The following SPOCK3 variants were observed in gnomAD, a reference collection of about 807,000 sequenced individuals.
The protein encoded by SPOCK3 is testican-3.
In SPOCK3, 30 loss-of-function variants were observed where a neutral mutation model predicts 56.6. That is an observed-to-expected ratio of 0.53 (90% CI 0.40 to 0.72). The LOEUF (loss-of-function observed/expected upper bound fraction) is 0.72. SPOCK3 is among the 30% of genes least tolerant of loss of function. The pLI, the probability that SPOCK3 is intolerant of heterozygous loss-of-function variation, is 0.00. For missense variants in SPOCK3, 527 were observed against 530.0 expected (o/e 0.99, Z 0.06); for synonymous variants, 196 against 183.3 (o/e 1.07, Z -0.56).
chr4:167,133,349 G>C (rs1250680205), intron 2 of SPOCK3, among the ~76,000 whole-genome samples: 1 of 152,154 alleles, frequency 6.6e-6, no homozygotes, highest in Non-Finnish European at 1.5e-5. Context: ...TTCTCCTGCA[G>C]GTCCCCAGAT....
intron 3 of SPOCK3, among the ~76,000 whole-genome samples, chr4:167,028,782 C>G (rs1185574871): frequency 6.6e-6 from 1 of 152,022 alleles, no homozygotes; most frequent in Non-Finnish European, 1.5e-5. Flanking sequence ...GCCATGAACA[C>G]TAGATTGAAG....
chr4:166,838,069 G>A (rs1162372436), intron 6 of SPOCK3, among the ~76,000 whole-genome samples: 1 of 151,964 alleles, frequency 6.6e-6, no homozygotes, highest in Non-Finnish European at 1.5e-5. Context: ...ATAGATAAAT[G>A]TTGTTTTCCT....
In SPOCK3 at chr4:166,932,514, ACTTT is replaced by A. The variant is rs1039171878; in HGVS notation, c.351-19775_351-19772del. ...TGATATGAACCTTGTTATTAAACAA[ACTTT>A]CTTTAAGAAAATCCAGCCACAAGTG... On this transcript the variant is annotated intron_variant, in intron 4 of 10. Transcript: ENST00000357545. Among the ~76,000 whole-genome samples, 3 of 152,270 alleles carry A rather than the reference ACTTT, an allele frequency of 2.0e-5. No individual in the cohort carries two copies. In the East Asian group the frequency reaches 5.8e-4, roughly 29 times the overall value.
intron 5 of SPOCK3, among the ~76,000 whole-genome samples, chr4:166,905,433 A>T (rs79638421): frequency 0.012 from 1,879 of 152,158 alleles, 28 homozygotes; most frequent in Middle Eastern, 0.038. Context: ...TAGTAACAAA[A>T]GATGTAGACA....
At chr4:166,857,378 G>A (rs1422326455) in intron 6 of SPOCK3, among the ~76,000 whole-genome samples, 4 of 152,136 alleles carry the variant, frequency 2.6e-5, no homozygotes, top group African/African-American at 9.6e-5. Flanking sequence ...GGACACAGTT[G>A]GGCACAAGGG....
rs560087382 is a variant in SPOCK3, at chr4:166,929,360, G to C, written c.351-16617C>G. ...CATGCATATTCTAAATCTTCCCAGA[G>C]CTGTCAAAGTGCTTCAGAAACTGAA... On this transcript the variant is annotated intron_variant, in intron 4 of 10. Transcript: ENST00000357545. Among the ~76,000 whole-genome samples, 82 of 152,232 alleles carry C rather than the reference G, an allele frequency of 5.4e-4. 1 individual carries two copies. Among genetic ancestry groups the C allele is most frequent in the Non-Finnish European group, 1.1e-3 (76 of 68,018 alleles).
intron 2 of SPOCK3, among the ~76,000 whole-genome samples, chr4:167,108,832 G>C (rs1351010982): frequency 6.7e-6 from 1 of 148,360 alleles, no homozygotes; most frequent in African/African-American, 2.5e-5. Flanking sequence ...TTACACAAAG[G>C]ATACATGTTT....
At chr4:167,215,054 A>C (rs1735228440) in intron 2 of SPOCK3, among the ~76,000 whole-genome samples, 1 of 151,836 alleles carries the variant, frequency 6.6e-6, no homozygotes, top group Admixed American at 6.6e-5. Context: ...GTTCTTGTAA[A>C]GTAAATGAGA....
intron 2 of SPOCK3, 135 bp downstream of exon 2, chr4:167,233,849 GC>G (rs1001708689): frequency 2.7e-6 from 2 of 733,772 alleles, no homozygotes; most frequent in African/African-American, 1.8e-5. Context: ...TTCTCCAGCA[GC>G]CCTGCGCCGC....
intron 4 of SPOCK3, among the ~76,000 whole-genome samples, chr4:166,991,480 G>A (rs149962269): frequency 4.0e-5 from 6 of 151,614 alleles, no homozygotes; most frequent in East Asian, 2.0e-4. Context: ...GTGATTTCTC[G>A]TGCCTCAGCC....
At chr4:166,933,063 G>C (rs920664461) in intron 4 of SPOCK3, among the ~76,000 whole-genome samples, 1 of 151,962 alleles carries the variant, frequency 6.6e-6, no homozygotes. Flanking sequence ...TTTTTAATGT[G>C]ATTGCCAAAT....
intron 4 of SPOCK3, among the ~76,000 whole-genome samples, chr4:166,935,847 C>T (rs889578205): frequency 2.4e-4 from 37 of 152,010 alleles, no homozygotes; most frequent in Non-Finnish European, 4.1e-4. Context: ...TGGCTGCATT[C>T]TAATATATTT....
chr4:167,172,923 T>TA (rs1730636624), intron 2 of SPOCK3, among the ~76,000 whole-genome samples: 1 of 152,170 alleles, frequency 6.6e-6, no homozygotes, highest in African/African-American at 2.4e-5. Flanking sequence ...GAAATTATTT[T>TA]AAAATCTTAG....
intron 9 of SPOCK3, 36 bp from the exon 10 acceptor site, chr4:166,737,640 A>T: frequency 6.3e-7 from 1 of 1,577,584 alleles, no homozygotes; most frequent in South Asian, 1.2e-5. Flanking sequence ...AAACACACAC[A>T]TGTAGTTTAT....
intron 6 of SPOCK3, among the ~76,000 whole-genome samples, chr4:166,825,391 A>G (rs1157362554): frequency 6.6e-6 from 1 of 152,106 alleles, no homozygotes; most frequent in East Asian, 1.9e-4. Flanking sequence ...ACAGATGTCA[A>G]AAAACACCTT....
intron 6 of SPOCK3, among the ~76,000 whole-genome samples, chr4:166,841,991 C>G (rs569378587): frequency 6.6e-6 from 1 of 152,110 alleles, no homozygotes; most frequent in Admixed American, 6.5e-5. Context: ...TCTGTGGTCT[C>G]GCTGGCTTCA....
At chr4:166,984,033 A>G (rs901895091) in intron 4 of SPOCK3, among the ~76,000 whole-genome samples, 1 of 152,074 alleles carries the variant, frequency 6.6e-6, no homozygotes, top group Non-Finnish European at 1.5e-5. Context: ...AAACCTAAAA[A>G]ATAATAAAAT....
At chr4:167,116,422 T>G (rs1761333787) in intron 2 of SPOCK3, among the ~76,000 whole-genome samples, 1 of 146,850 alleles carries the variant, frequency 6.8e-6, no homozygotes, top group South Asian at 2.1e-4. Context: ...AGTATATATA[T>G]ATACACTTTT....
chr4:167,180,687 A>G (rs1731381188), intron 2 of SPOCK3, among the ~76,000 whole-genome samples: 1 of 152,162 alleles, frequency 6.6e-6, no homozygotes, highest in Non-Finnish European at 1.5e-5. Context: ...TTTATATTTT[A>G]TAGCCACCAG....
Sources: gnomAD v4.1 joint callset for allele counts (sites outside exome capture counted in the v4.1 genomes callset) on GRCh38, gnomAD v4.1.1 for gene constraint, MANE v1.5 for transcripts, NCBI Gene and HGNC (gene_info 2026-07-23, HGNC 2026-07-21) for gene names.